The following TRAPPC9 variants were observed in gnomAD, a reference collection of about 807,000 sequenced individuals.
TRAPPC9 encodes trafficking protein particle complex subunit 9, also known as IKK2 binding protein.
Under a neutral mutation model 124.0 loss-of-function variants are expected in TRAPPC9, and 83 were observed. That is an observed-to-expected ratio of 0.67 (90% confidence interval 0.56 to 0.80). The LOEUF is 0.80. Ranked by LOEUF, TRAPPC9 falls within the 30% of genes least tolerant of loss-of-function variation. The pLI is 0.00. For missense variants in TRAPPC9, 1,302 were observed against 1,508.3 expected (o/e 0.86, Z 2.27); for synonymous variants, 638 against 617.5 (o/e 1.03, Z -0.49).
chr8:139,939,885 G>A (rs923075131), intron 19 of TRAPPC9, among the ~76,000 whole-genome samples: 32 of 152,228 alleles, frequency 2.1e-4, no homozygotes, highest in African/African-American at 5.5e-4. Context: ...TCTCATCTGC[G>A]GGAAAGGCCT....
At chr8:139,978,150 T>C (rs1268878508) in intron 19 of TRAPPC9, among the ~76,000 whole-genome samples, 1 of 152,186 alleles carries the variant, frequency 6.6e-6, no homozygotes, top group African/African-American at 2.4e-5. Flanking sequence ...AGTGCTGGGA[T>C]GACAGGTGTG....
chr8:139,929,130 C>G (rs139268900), intron 19 of TRAPPC9, among the ~76,000 whole-genome samples: 220 of 152,292 alleles, frequency 1.4e-3, no homozygotes, highest in African/African-American at 5.1e-3. Context: ...AAAGAAGCCA[C>G]TCTCTTAAAA....
chr8:139,734,673 G>A (rs1329902603), intron 21 of TRAPPC9, among the ~76,000 whole-genome samples: 1 of 152,196 alleles, frequency 6.6e-6, no homozygotes, highest in Non-Finnish European at 1.5e-5. Flanking sequence ...CTGGCTGCTG[G>A]CCCTTGCAGC....
chr8:140,157,080 C>G (rs2061655825), intron 17 of TRAPPC9, among the ~76,000 whole-genome samples: 1 of 108,006 alleles, frequency 9.3e-6, no homozygotes, highest in Non-Finnish European at 1.9e-5. Flanking sequence ...ATTCAAAAGC[C>G]TCCCTTTTCC....
rs766246370 is a variant in TRAPPC9, at chr8:139,731,982, G to C, written c.3276C>G (p.Asp1092Glu). ...CGCCTTGCACACCACCACGCACCGC[G>C]TCGAGGTAGAAGGTGCTGGAGCCCA... is the stretch of plus-strand genomic sequence containing the variant. Reference protein sequence around the residue: ...SFVGSSTFYLDAVQPSGQSAC... With the variant: ...SFVGSSTFYLEAVQPSGQSAC... Residue 1092 changes from aspartate (D) to glutamate (E), a missense_variant, in exon 22 of 23, where the codon GAC becomes GAG. By Grantham distance (45) the Asp-to-Glu change is conservative (BLOSUM62 2). Transcript: ENST00000438773. 1.1e-5 allele frequency: 18 copies of C among 1,577,584 alleles called. No homozygotes were observed. Among genetic ancestry groups the C allele is most frequent in the Non-Finnish European group, 1.4e-5 (16 of 1,161,300 alleles).
chr8:140,321,561 T>C (rs1040579981), intron 9 of TRAPPC9, among the ~76,000 whole-genome samples: 3 of 152,170 alleles, frequency 2.0e-5, no homozygotes, highest in African/African-American at 7.2e-5. Flanking sequence ...CAGCAAGCTC[T>C]TCCTAGGAGA....
chr8:140,281,063 C>G (rs2065302948), intron 14 of TRAPPC9, among the ~76,000 whole-genome samples: 1 of 152,220 alleles, frequency 6.6e-6, no homozygotes, highest in South Asian at 2.1e-4. Flanking sequence ...TGGGCCCTTT[C>G]CAGTTTTCTG....
At position 139,945,906 on chromosome 8, in the gene TRAPPC9, T is replaced by C. The variant is rs547670163; in HGVS notation, c.2811-35606A>G. Among the ~76,000 whole-genome samples the C allele has an allele frequency of 2.0e-5, 3 of 152,350 alleles. 1 individual carries two copies. Among genetic ancestry groups the C allele is most frequent in the South Asian group, 4.1e-4 (2 of 4,828 alleles). Reference sequence around the variant, plus strand: ...ATGGATAAAAAGGTGGATATAGTAATAGACACTCAGTAAAGGAATTATAGC... The same window carrying C: ...ATGGATAAAAAGGTGGATATAGTAACAGACACTCAGTAAAGGAATTATAGC... On this transcript the variant is annotated intron_variant, in intron 19 of 22. Coordinates refer to ENST00000438773, the MANE Select transcript of TRAPPC9 (RefSeq NM_001160372.4).
intron 21 of TRAPPC9, among the ~76,000 whole-genome samples, chr8:139,748,430 G>A (rs1423350138): frequency 4.0e-5 from 4 of 100,848 alleles, no homozygotes; most frequent in African/African-American, 1.4e-4. Context: ...GTCAGAGCAG[G>A]TGGGGAGGTG....
chr8:140,092,304 TCTC>T (rs1844623678), intron 17 of TRAPPC9, among the ~76,000 whole-genome samples: 1 of 151,464 alleles, frequency 6.6e-6, no homozygotes, highest in African/African-American at 2.4e-5. Flanking sequence ...TTCAAGCAAT[TCTC>T]CTGCCTCAGC....
Position 140,434,984 on chromosome 8 carries a change from A to G in TRAPPC9, c.859+128T>C, listed in dbSNP as rs77762401. ...GACTCTGTCTCAAAAAAAAAAAAAA[A>G]TTACTGACTCAACAGATTTTACAGT... On this transcript the variant is annotated intron_variant, in intron 4 of 22. Coordinates refer to ENST00000438773, the MANE Select transcript of TRAPPC9 (RefSeq NM_001160372.4). 6 of 1,455,592 alleles carry G rather than the reference A, an allele frequency of 4.1e-6. No homozygotes were observed. The East Asian group carries it at 1.5e-4, about 36-fold the overall frequency. The allele number at this position is 1,455,592 out of a possible 1,614,324, so 90.2% of individuals were successfully genotyped here. A position where few individuals can be genotyped will look rare whatever the true frequency, so the allele number is the denominator to read the frequency against.
intron 19 of TRAPPC9, among the ~76,000 whole-genome samples, chr8:139,957,567 G>A (rs1835082592): frequency 6.6e-6 from 1 of 152,172 alleles, no homozygotes; most frequent in Non-Finnish European, 1.5e-5. Context: ...TCTGGCGCCT[G>A]GCACGTGTGC....
intron 7 of TRAPPC9, among the ~76,000 whole-genome samples, chr8:140,373,839 T>C (rs1490338596): frequency 6.6e-6 from 1 of 152,256 alleles, no homozygotes; most frequent in Non-Finnish European, 1.5e-5. Flanking sequence ...AAGCGCTTGT[T>C]CAAATCTTCT....
intron 17 of TRAPPC9, among the ~76,000 whole-genome samples, chr8:140,026,321 C>T (rs1347558196): frequency 6.6e-6 from 1 of 152,142 alleles, no homozygotes; most frequent in African/African-American, 2.4e-5. Context: ...GTGCCGAGAC[C>T]CTGCTTTCGG....
chr8:140,265,507 T>C, intron 15 of TRAPPC9, among the ~76,000 whole-genome samples: 1 of 152,234 alleles, frequency 6.6e-6, no homozygotes, highest in Admixed American at 6.5e-5. Flanking sequence ...TCCGATTTAA[T>C]ATGTGTTTGC....
At chr8:140,012,999 C>G (rs1178070078) in intron 18 of TRAPPC9, among the ~76,000 whole-genome samples, 1 of 152,200 alleles carries the variant, frequency 6.6e-6, no homozygotes, top group Admixed American at 6.5e-5. Context: ...AGATCCAGTT[C>G]CTTTACACAC....
intron 19 of TRAPPC9, among the ~76,000 whole-genome samples, chr8:139,985,017 G>A (rs746496619): frequency 4.6e-5 from 7 of 152,170 alleles, no homozygotes; most frequent in Non-Finnish European, 8.8e-5. Flanking sequence ...TTCTCAGCAC[G>A]CCTGAAGCCT....
intron 17 of TRAPPC9, among the ~76,000 whole-genome samples, chr8:140,191,326 T>C (rs1167294004): frequency 1.3e-5 from 2 of 152,192 alleles, no homozygotes; most frequent in African/African-American, 2.4e-5. Context: ...TGAAGTCAGG[T>C]CTGACTTTAA....
At chr8:140,294,488 A>ATAT (rs1185206715) in intron 11 of TRAPPC9, among the ~76,000 whole-genome samples, 1 of 152,228 alleles carries the variant, frequency 6.6e-6, no homozygotes, top group Admixed American at 6.5e-5. Context: ...GATGATGATA[A>ATAT]TAAGCCATTT....
Sources: allele counts gnomAD v4.1 joint callset (sites outside exome capture counted in the v4.1 genomes callset), GRCh38; gene constraint gnomAD v4.1.1; transcripts MANE v1.5; gene names NCBI Gene and HGNC (gene_info 2026-07-23, HGNC 2026-07-21).